The following CNBD1 variants were observed in gnomAD, a reference collection of about 807,000 sequenced individuals.
CNBD1 encodes the protein cyclic nucleotide-binding domain-containing protein 1.
CNBD1 carries 71 observed loss-of-function variants against 54.4 expected under a neutral mutation model. The observed-to-expected ratio is 1.30, with a 90% CI of 1.08 to 1.59. CNBD1 has a LOEUF of 1.59. Ranked by LOEUF, CNBD1 falls within the 40% of genes most tolerant of loss-of-function variation. CNBD1 has a pLI of 0.00. For synonymous variants in CNBD1, 182 were observed against 170.7 expected (o/e 1.07, Z -0.51); for missense variants, 659 against 518.0 (o/e 1.27, Z -2.64).
At chr8:87,310,283 A>G (rs1809237634) in intron 8 of CNBD1, among the ~76,000 whole-genome samples, 1 of 152,094 alleles carries the variant, frequency 6.6e-6, no homozygotes, top group Non-Finnish European at 1.5e-5. Flanking sequence ...TGACCCCAGG[A>G]GGTAGAGGGT....
In CNBD1 at chr8:87,027,930, A is replaced by T. The variant is rs1809689869; in HGVS notation, c.431+88176A>T. On this transcript the variant is annotated intron_variant, in intron 4 of 10. Coordinates refer to ENST00000518476, the MANE Select transcript of CNBD1 (RefSeq NM_173538.3). ...AGTCGGTATGCTTCCTCTCTCTCTCAGTTGGGCCTGATCAGCTGCAAACAA... is the reference window on the plus strand; with the variant it reads ...AGTCGGTATGCTTCCTCTCTCTCTCTGTTGGGCCTGATCAGCTGCAAACAA... 3.3e-5 allele frequency among the ~76,000 whole-genome samples: 5 copies of T among 152,210 alleles called. No individual in the cohort carries two copies. The South Asian group carries it at 1.0e-3, about 31-fold the overall frequency.
rs370066698 is a variant in CNBD1 at position 87,237,052 on chromosome 8, G to C, written c.711G>C (p.Trp237Cys). The C allele has an allele frequency of 1.2e-6, 2 of 1,611,704 alleles. No individual in the cohort carries two copies. Among genetic ancestry groups the C allele is most frequent in the Non-Finnish European group, 1.7e-6 (2 of 1,178,500 alleles). ...CTCAGAGTTTCCACAGCTTCATTTG[G>C]AGTGAAGAATTCAAAAACTCTACAC... ...FISQSFHSFI[W>C]SEEFKNSTLA... Residue 237 changes from tryptophan (W) to cysteine (C), a missense_variant, in exon 6 of 11, where the codon TGG becomes TGC. Coordinates refer to ENST00000518476, the MANE Select transcript of CNBD1 (RefSeq NM_173538.3).
chr8:87,033,770 G>T (rs1042343258), intron 4 of CNBD1, among the ~76,000 whole-genome samples: 1 of 152,018 alleles, frequency 6.6e-6, no homozygotes. Context: ...TCTGGAATTT[G>T]TCTGTTGTCT....
intron 10 of CNBD1, among the ~76,000 whole-genome samples, chr8:87,374,429 C>T (rs1240319490): frequency 6.6e-6 from 1 of 151,800 alleles, no homozygotes; most frequent in Non-Finnish European, 1.5e-5. Flanking sequence ...TTCCTTAAAT[C>T]AAGATCCTAA....
At chr8:87,391,530 A>G (rs1236802431) in intron 2 of CNBD1, among the ~76,000 whole-genome samples, 2 of 152,118 alleles carry the variant, frequency 1.3e-5, no homozygotes, top group African/African-American at 4.8e-5. Context: ...TTGAATGTCC[A>G]TAAATAAAAC....
intron 1 of CNBD1, among the ~76,000 whole-genome samples, chr8:86,873,605 G>A (rs1177156666): frequency 6.6e-6 from 1 of 151,846 alleles, no homozygotes; most frequent in East Asian, 2.0e-4. Context: ...ACTAGCCTTG[G>A]CAACATAGTG....
At chr8:87,256,077 C>A (rs1808019221) in intron 6 of CNBD1, among the ~76,000 whole-genome samples, 1 of 119,456 alleles carries the variant, frequency 8.4e-6, no homozygotes, top group East Asian at 2.8e-4. Flanking sequence ...GGCTGGAGTG[C>A]AATGGTATGA....
rs1390938972 is a variant in CNBD1 at position 87,092,431 on chromosome 8, A to ATG, written c.432-113552_432-113551dup. ...TATATGTGTGTGTATGTATGTATGTATGTGTGTGTGTATATATATACACAT... is the reference window on the plus strand; with the variant it reads ...TATATGTGTGTGTATGTATGTATGTATGTGTGTGTGTGTATATATATACACAT... On this transcript the variant is annotated intron_variant, in intron 4 of 10. Coordinates refer to ENST00000518476, the MANE Select transcript of CNBD1 (RefSeq NM_173538.3). Among the ~76,000 whole-genome samples the ATG allele has an allele frequency of 6.2e-3, 700 of 113,432 alleles. 23 individuals carry two copies. The highest frequency in any genetic ancestry group is 0.024 in the African/African-American group (657 of 27,798). The allele number at this position is 113,432 out of a possible 152,430, so 74.4% of individuals were successfully genotyped here.
intron 4 of CNBD1, among the ~76,000 whole-genome samples, chr8:87,111,176 TG>T (rs941806976): frequency 6.6e-6 from 1 of 152,232 alleles, no homozygotes; most frequent in Non-Finnish European, 1.5e-5. Flanking sequence ...TGGCTTTTCC[TG>T]TAACAATAAC....
At chr8:87,391,551 T>C (rs1452065714) in intron 2 of CNBD1, among the ~76,000 whole-genome samples, 1 of 151,862 alleles carries the variant, frequency 6.6e-6, no homozygotes, top group Non-Finnish European at 1.5e-5. Context: ...CTTATTTTTA[T>C]GCCTAGTTGA....
intron 4 of CNBD1, among the ~76,000 whole-genome samples, chr8:86,940,363 C>T (rs1027594254): frequency 6.6e-6 from 1 of 152,094 alleles, no homozygotes. Context: ...GACAGGGTTT[C>T]ACCATGTTGG....
chr8:87,174,462 G>A (rs1463786383), intron 4 of CNBD1, among the ~76,000 whole-genome samples: 1 of 152,054 alleles, frequency 6.6e-6, no homozygotes, highest in East Asian at 1.9e-4. Context: ...GTATCTGATA[G>A]AATTCTGAAT....
chr8:87,225,378 G>T (rs1814458211), intron 5 of CNBD1, among the ~76,000 whole-genome samples: 1 of 152,008 alleles, frequency 6.6e-6, no homozygotes, highest in African/African-American at 2.4e-5. Flanking sequence ...TTGGCTGTGG[G>T]TTTGTCATAG....
chr8:86,919,253 G>C (rs1236175321), intron 3 of CNBD1, among the ~76,000 whole-genome samples: 2 of 151,996 alleles, frequency 1.3e-5, no homozygotes, highest in Admixed American at 6.6e-5. Flanking sequence ...CACTCCTTTT[G>C]GTGTTAAGAG....
At chr8:87,087,858 A>T (rs748698139) in intron 4 of CNBD1, among the ~76,000 whole-genome samples, 1 of 152,164 alleles carries the variant, frequency 6.6e-6, no homozygotes, top group Non-Finnish European at 1.5e-5. Flanking sequence ...AGATGAGGTA[A>T]TGGAGACCAC....
intron 4 of CNBD1, among the ~76,000 whole-genome samples, chr8:86,951,472 C>A (rs1173670074): frequency 2.0e-5 from 3 of 150,352 alleles, no homozygotes; most frequent in African/African-American, 7.3e-5. Context: ...CCCAGCTATT[C>A]TGGAGGCTGA....
downstream of CNBD1, among the ~76,000 whole-genome samples, chr8:87,385,797 C>G (rs909273073): frequency 6.6e-6 from 1 of 152,204 alleles, no homozygotes; most frequent in Middle Eastern, 3.2e-3. Flanking sequence ...AGCTGGAGAT[C>G]TGAGAACGGA....
intron 4 of CNBD1, among the ~76,000 whole-genome samples, chr8:87,051,497 G>A (rs936126764): frequency 6.6e-6 from 1 of 152,196 alleles, no homozygotes; most frequent in African/African-American, 2.4e-5. Flanking sequence ...CTTTAGAGCT[G>A]AGAGCCTTGA....
chr8:86,884,618 C>T (rs1047286773), intron 1 of CNBD1, among the ~76,000 whole-genome samples: 5 of 152,110 alleles, frequency 3.3e-5, no homozygotes, highest in African/African-American at 7.2e-5. Context: ...TATAGGAAGA[C>T]TTAGTCATGC....
Sources: gnomAD v4.1 joint callset for allele counts (sites outside exome capture counted in the v4.1 genomes callset) on GRCh38, gnomAD v4.1.1 for gene constraint, MANE v1.5 for transcripts, NCBI Gene and HGNC (gene_info 2026-07-23, HGNC 2026-07-21) for gene names.